ARHGAP26: variants seen among roughly 807,000 people sequenced by gnomAD.
ARHGAP26 encodes rho GTPase-activating protein 26.
A neutral mutation model predicts 104.8 loss-of-function variants in ARHGAP26; 38 were observed. That is an observed-to-expected ratio of 0.36 (90% CI 0.28 to 0.48). ARHGAP26 has a LOEUF of 0.48. Among genes scored for constraint, ARHGAP26 ranks in the 20% least tolerant of loss-of-function variants. ARHGAP26 has a pLI of 0.99. For missense variants in ARHGAP26, 704 were observed against 947.9 expected (o/e 0.74, Z 3.38); for synonymous variants, 341 against 340.0 (o/e 1.00, Z -0.03).
At chr5:143,050,915 T>C (rs1174197519) in intron 14 of ARHGAP26, among the ~76,000 whole-genome samples, 1 of 152,156 alleles carries the variant, frequency 6.6e-6, no homozygotes, top group Non-Finnish European at 1.5e-5. Context: ...CCTTTGCCTG[T>C]TGGGATGCTT....
At chr5:143,066,006 G>C (rs558813537) in intron 17 of ARHGAP26, among the ~76,000 whole-genome samples, 1 of 152,188 alleles carries the variant, frequency 6.6e-6, no homozygotes, top group Non-Finnish European at 1.5e-5. Context: ...CCCTGGTAAA[G>C]TAGTGTCAGG....
chr5:143,196,110 G>A (rs569215969), intron 20 of ARHGAP26, among the ~76,000 whole-genome samples: 5 of 151,978 alleles, frequency 3.3e-5, no homozygotes, highest in South Asian at 4.1e-4. Context: ...ATAAATGTAC[G>A]TCTTAACAAA....
Position 142,926,040 on chromosome 5 carries a change from C to T in ARHGAP26, c.1029-6007C>T, listed in dbSNP as rs980165403. Among the ~76,000 whole-genome samples, 6 of 152,096 alleles carry T rather than the reference C, an allele frequency of 3.9e-5. No homozygotes were observed. The South Asian group carries it at 6.2e-4, about 16-fold the overall frequency. ...GACTCAGATTCAGGAATAAGATTAGCGTAGGAAAGCTGTCGAGTAACCCTG... is the reference window on the plus strand; with the variant it reads ...GACTCAGATTCAGGAATAAGATTAGTGTAGGAAAGCTGTCGAGTAACCCTG... On this transcript the variant is annotated intron_variant, in intron 10 of 22. Transcript: ENST00000645722.
intron 17 of ARHGAP26, among the ~76,000 whole-genome samples, chr5:143,107,526 C>G (rs3776311): frequency 0.75 from 113,383 of 152,080 alleles, 46,037 homozygotes; most frequent in Non-Finnish European, 0.91. Context: ...TTGAGCCAGG[C>G]AAAGCAAGAT....
At chr5:142,800,296 C>T (rs1275779602) in intron 1 of ARHGAP26, among the ~76,000 whole-genome samples, 1 of 146,558 alleles carries the variant, frequency 6.8e-6, no homozygotes, top group Admixed American at 6.6e-5. Context: ...CTTCCTCCCC[C>T]TCTCTCTGTC....
intron 21 of ARHGAP26, among the ~76,000 whole-genome samples, chr5:143,208,870 A>G (rs1809009689): frequency 6.6e-6 from 1 of 152,178 alleles, no homozygotes; most frequent in Non-Finnish European, 1.5e-5. Context: ...TGTCTTCCTG[A>G]CATTCTAGTG....
intron 11 of ARHGAP26, among the ~76,000 whole-genome samples, chr5:142,936,671 A>C (rs1765464139): frequency 1.3e-5 from 2 of 152,204 alleles, no homozygotes; most frequent in African/African-American, 4.8e-5. Flanking sequence ...ACAGAGGGAT[A>C]GACACGTAGA....
At chr5:143,030,217 C>T (rs575609419) in intron 12 of ARHGAP26, among the ~76,000 whole-genome samples, 1 of 152,288 alleles carries the variant, frequency 6.6e-6, no homozygotes, top group South Asian at 2.1e-4. Context: ...TCACGGGTAG[C>T]ATGATGGTCT....
chr5:143,202,720 A>C (rs1346869659), intron 20 of ARHGAP26: 1 of 152,254 alleles, frequency 6.6e-6, no homozygotes, highest in Non-Finnish European at 1.5e-5. Flanking sequence ...ACTGGTACCA[A>C]AACAGATATA....
rs1174155129 is a variant in ARHGAP26 at position 142,788,362 on chromosome 5, A to AT, written c.154+17454dup. Among the ~76,000 whole-genome samples, 13 of 152,028 alleles carry AT rather than the reference A, an allele frequency of 8.6e-5. 1 individual carries two copies. In the East Asian group the frequency reaches 1.2e-3, roughly 14 times the overall value. ...CTGCTTGCTTCCCGACTCCCACCCC[A>AT]TTTTTTTGTTGCTGGTTTAGCAGAA... On this transcript the variant is annotated intron_variant, in intron 1 of 22. Transcript: ENST00000645722.
At chr5:142,772,533 A>T (rs1013791525) in intron 1 of ARHGAP26, among the ~76,000 whole-genome samples, 4 of 152,186 alleles carry the variant, frequency 2.6e-5, no homozygotes, top group Non-Finnish European at 5.9e-5. Context: ...AGGGTGTAGG[A>T]GTGAATATTT....
chr5:142,912,933 C>T (rs999187249), intron 9 of ARHGAP26, among the ~76,000 whole-genome samples: 3 of 152,186 alleles, frequency 2.0e-5, no homozygotes, highest in Non-Finnish European at 4.4e-5. Context: ...TGTCAACACT[C>T]GTTTATCTAC....
chr5:143,151,806 A>G (rs1299601273), intron 20 of ARHGAP26, among the ~76,000 whole-genome samples: 1 of 152,062 alleles, frequency 6.6e-6, no homozygotes, highest in African/African-American at 2.4e-5. Flanking sequence ...AAATGCAAAA[A>G]AATTAGCTGG....
chr5:143,064,005 G>A (rs1562356340), intron 17 of ARHGAP26, among the ~76,000 whole-genome samples: 1 of 152,142 alleles, frequency 6.6e-6, no homozygotes, highest in Admixed American at 6.6e-5. Flanking sequence ...GAAGCCCATG[G>A]CCAGAGCAGC....
intron 1 of ARHGAP26, among the ~76,000 whole-genome samples, chr5:142,792,950 G>A (rs1053908760): frequency 6.6e-6 from 1 of 152,338 alleles, no homozygotes; most frequent in Admixed American, 6.5e-5. Flanking sequence ...GATAACTGAT[G>A]TTCATCGAAG....
chr5:143,086,762 T>C (rs1418638939), intron 17 of ARHGAP26, among the ~76,000 whole-genome samples: 4 of 152,206 alleles, frequency 2.6e-5, no homozygotes, highest in Non-Finnish European at 5.9e-5. Context: ...TAAGTCCACA[T>C]CTTGAGTCTT....
intron 11 of ARHGAP26, among the ~76,000 whole-genome samples, chr5:142,974,378 A>T (rs371827401): frequency 2.6e-5 from 4 of 152,122 alleles, no homozygotes; most frequent in African/African-American, 9.7e-5. Context: ...CCCTGGCAGG[A>T]TGATGCCTAC....
chr5:142,786,881 G>A (rs1035867440), intron 1 of ARHGAP26, among the ~76,000 whole-genome samples: 29 of 152,004 alleles, frequency 1.9e-4, no homozygotes, highest in Admixed American at 1.2e-3. Flanking sequence ...TCCTGACCTC[G>A]TGATCTGCCC....
chr5:143,147,825 G>T lies in ARHGAP26; in HGVS notation c.1988+444G>T, dbSNP rs532781445. Among the ~76,000 whole-genome samples, 3 of 152,302 alleles carry T rather than the reference G, an allele frequency of 2.0e-5. No individual in the cohort carries two copies. In the East Asian group the frequency reaches 5.8e-4, roughly 29 times the overall value. ...TCCATGTCCACTTCCATAAGGAAGAGCCCCCAGGAGCCCTTTGTGTCTTCA... is the reference window on the plus strand; with the variant it reads ...TCCATGTCCACTTCCATAAGGAAGATCCCCCAGGAGCCCTTTGTGTCTTCA... On this transcript the variant is annotated intron_variant, in intron 20 of 22. Coordinates refer to ENST00000645722, the MANE Select transcript of ARHGAP26 (RefSeq NM_001135608.3).
Sources: allele counts gnomAD v4.1 joint callset (sites outside exome capture counted in the v4.1 genomes callset), GRCh38; gene constraint gnomAD v4.1.1; transcripts MANE v1.5; gene names NCBI Gene and HGNC (gene_info 2026-07-23, HGNC 2026-07-21).